Variants in NCLN observed in about 807,000 individuals in gnomAD.
NCLN encodes the protein nicalin, also known as BOS complex subunit NCLN.
NCLN carries 34 observed loss-of-function variants against 69.5 expected under a neutral mutation model. The observed-to-expected ratio is 0.49, with a 90% CI of 0.37 to 0.65. NCLN has a LOEUF of 0.65. NCLN is among the 30% of genes least tolerant of loss of function. The pLI, the probability that NCLN is intolerant of heterozygous loss-of-function variation, is 0.00. For synonymous variants in NCLN, 393 were observed against 358.3 expected (o/e 1.10, Z -1.09); for missense variants, 710 against 804.8 (o/e 0.88, Z 1.42).
chr19:3,194,892 G>C (rs188788619), intron 3 of NCLN, among the ~76,000 whole-genome samples: 73 of 151,906 alleles, frequency 4.8e-4, no homozygotes, highest in African/African-American at 1.7e-3. Flanking sequence ...TGATGTTGAG[G>C]GCCAGGCAAG....
intron 1 of NCLN, among the ~76,000 whole-genome samples, chr19:3,189,931 G>A (rs1417563008): frequency 1.3e-5 from 2 of 152,226 alleles, no homozygotes. Context: ...GTGGCCTTCA[G>A]GGAGCTCTGG....
At chr19:3,202,554 T>G (rs1916154404) in intron 6 of NCLN, among the ~76,000 whole-genome samples, 1 of 152,210 alleles carries the variant, frequency 6.6e-6, no homozygotes, top group African/African-American at 2.4e-5. Context: ...GCAGTCATTG[T>G]GTCAGCAGCT....
At chr19:3,206,881 G>A (rs1916284947) in intron 12 of NCLN, among the ~76,000 whole-genome samples, 1 of 152,154 alleles carries the variant, frequency 6.6e-6, no homozygotes. Context: ...GAGTGCAGTG[G>A]CGTGATCTTG....
intron 1 of NCLN, among the ~76,000 whole-genome samples, chr19:3,187,074 G>T (rs531710423): frequency 4.9e-4 from 75 of 152,026 alleles, no homozygotes; most frequent in African/African-American, 1.7e-3. Flanking sequence ...GCATACCCAC[G>T]CCCTCAGCTC....
chr19:3,197,836 G>A (rs1419324662), intron 4 of NCLN, among the ~76,000 whole-genome samples: 2 of 152,184 alleles, frequency 1.3e-5, no homozygotes, highest in Non-Finnish European at 2.9e-5. Flanking sequence ...GGCCAGGCTG[G>A]TCTGGAACTC....
chr19:3,202,790 C>A (rs1490824906), intron 6 of NCLN, among the ~76,000 whole-genome samples: 1 of 152,246 alleles, frequency 6.6e-6, no homozygotes, highest in Non-Finnish European at 1.5e-5. Context: ...TTCCCCCAGC[C>A]CCCCACTGAT....
At chr19:3,188,950 G>A (rs947818996) in intron 1 of NCLN, among the ~76,000 whole-genome samples, 5 of 152,352 alleles carry the variant, frequency 3.3e-5, no homozygotes, top group African/African-American at 7.2e-5. Context: ...AAGCCCCAGC[G>A]TGCTGCCTTT....
chr19:3,207,386 C>G lies in NCLN; in HGVS notation c.1554-5C>G. 1 of 1,613,098 alleles carries G rather than the reference C, an allele frequency of 6.2e-7. No homozygotes were observed. Among genetic ancestry groups the G allele is most frequent in the Non-Finnish European group, 8.5e-7 (1 of 1,179,982 alleles). On this transcript the variant is annotated splice_region_variant and splice_polypyrimidine_tract_variant and intron_variant, in intron 13 of 14. Transcript: ENST00000246117. ...TCGACCTCAGGGACCCTGCTTTCTCCACAGAGTCAAGCCGGCCGTCTTTGA... is the reference window on the plus strand; with the variant it reads ...TCGACCTCAGGGACCCTGCTTTCTCGACAGAGTCAAGCCGGCCGTCTTTGA...
At chr19:3,189,617 T>C (rs1555711115) in intron 1 of NCLN, among the ~76,000 whole-genome samples, 1 of 152,230 alleles carries the variant, frequency 6.6e-6, no homozygotes, top group Non-Finnish European at 1.5e-5. Context: ...GTGCCCTCCA[T>C]GGCGTCCACC....
chr19:3,193,741 C>T (rs1356533133), intron 3 of NCLN, among the ~76,000 whole-genome samples: 2 of 152,226 alleles, frequency 1.3e-5, no homozygotes, highest in Non-Finnish European at 2.9e-5. Context: ...TTATGAAACA[C>T]ACGGGCATCT....
intron 8 of NCLN, among the ~76,000 whole-genome samples, chr19:3,204,352 G>T (rs774760361): frequency 6.6e-6 from 1 of 152,084 alleles, no homozygotes; most frequent in Non-Finnish European, 1.5e-5. Context: ...CGTCAGGGCC[G>T]GGCTGGGGTG....
intron 1 of NCLN, among the ~76,000 whole-genome samples, chr19:3,190,791 G>T (rs1051828237): frequency 6.6e-6 from 1 of 152,204 alleles, no homozygotes; most frequent in African/African-American, 2.4e-5. Flanking sequence ...TCTGCTTGCG[G>T]GCTTTGCGTG....
intron 1 of NCLN, among the ~76,000 whole-genome samples, chr19:3,186,519 C>T (rs1915674496): frequency 6.6e-6 from 1 of 152,192 alleles, no homozygotes; most frequent in African/African-American, 2.4e-5. Flanking sequence ...AGTCCCCTCT[C>T]TCCTGTCCCC....
Position 3,193,377 on chromosome 19 carries a change from A to G in NCLN, c.469A>G (p.Lys157Glu), listed in dbSNP as rs75377748. Residue 157 changes from lysine to glutamate, a missense_variant, in exon 3 of 15, where the codon AAG (lysine) becomes GAG (glutamate). Coordinates refer to ENST00000246117, the MANE Select transcript of NCLN (RefSeq NM_020170.4). ...GGACGAGGCCCTGCTGTCTATCTAC[A>G]AGCAGACCCAGGCTGCCTCCGCCTC... ...VEDEALLSIY[K>E]QTQAASASQG... The G allele has an allele frequency of 3.1e-6, 5 of 1,611,656 alleles. No individual in the cohort carries two copies. The highest frequency in any genetic ancestry group is 3.4e-6 in the Non-Finnish European group (4 of 1,179,928).
At chr19:3,186,995 C>A (rs1051729493) in intron 1 of NCLN, among the ~76,000 whole-genome samples, 5 of 152,158 alleles carry the variant, frequency 3.3e-5, no homozygotes, top group Admixed American at 6.5e-5. Context: ...CCCTGGTCTC[C>A]TCCCACGTCC....
intron 10 of NCLN, 59 bp from the exon 11 acceptor site, chr19:3,206,093 C>G: frequency 6.4e-7 from 1 of 1,572,896 alleles, no homozygotes; most frequent in East Asian, 2.3e-5. Context: ...GGCCCCACCC[C>G]TGGCCCCAGC....
rs74788223 is a variant in NCLN at position 3,207,289 on chromosome 19, C to T, written c.1553+38C>T. 2.0e-5 allele frequency: 32 copies of T among 1,613,180 alleles called. No individual in the cohort carries two copies. The African/African-American group carries it at 2.9e-4, about 15-fold the overall frequency. ...CAGCGGGACCTGGAGCCCTTCACCC[C>T]CTACGGGTTACAGCCGAGGGGACTG... is the stretch of plus-strand genomic sequence containing the variant. On this transcript the variant is annotated intron_variant, in intron 13 of 14. Coordinates refer to ENST00000246117, the MANE Select transcript of NCLN (RefSeq NM_020170.4).
chr19:3,195,182 G>GA (rs57369430), intron 3 of NCLN, among the ~76,000 whole-genome samples: 28 of 143,860 alleles, frequency 1.9e-4, no homozygotes, highest in Non-Finnish European at 2.7e-4. Flanking sequence ...ACTCCGACTT[G>GA]AAAAAAAAAA....
intron 3 of NCLN, among the ~76,000 whole-genome samples, chr19:3,195,063 G>A (rs1915921319): frequency 6.6e-6 from 1 of 151,594 alleles, no homozygotes; most frequent in South Asian, 2.1e-4. Flanking sequence ...AGTCCCAGCT[G>A]CTCAGGAGGC....
Sources: gnomAD v4.1 joint callset for allele counts (sites outside exome capture counted in the v4.1 genomes callset) on GRCh38, gnomAD v4.1.1 for gene constraint, MANE v1.5 for transcripts, NCBI Gene and HGNC (gene_info 2026-07-23, HGNC 2026-07-21) for gene names.